Variants in SEMA3E observed in about 807,000 individuals in gnomAD.
SEMA3E encodes the protein semaphorin 3E.
SEMA3E carries 49 observed loss-of-function variants against 93.6 expected under a neutral mutation model. That is an observed-to-expected ratio of 0.52 (90% CI 0.42 to 0.66). SEMA3E has a LOEUF of 0.66. Among genes scored for constraint, SEMA3E ranks in the 30% least tolerant of loss-of-function variants. The pLI is 0.00. For synonymous variants in SEMA3E, 363 were observed against 330.7 expected, an observed-to-expected ratio of 1.10 and a Z score of -1.06; for missense variants, 906 against 964.8, an observed-to-expected ratio of 0.94 and a Z score of 0.81.
chr7:83,368,012 C>G lies in SEMA3E; in HGVS notation c.1902G>C (p.Lys634Asn). 4.3e-6 allele frequency: 7 copies of G among 1,614,010 alleles called. No individual in the cohort carries two copies. The highest frequency in any genetic ancestry group is 2.2e-5 in the East Asian group (1 of 44,870). ...TTAGGAAGAGTAAACCAAGGTCCAT[C>G]TTAACCACTCTGTCATCTGTCTTCA... ...EEVKTDDRVV[K>N]MDLGLLFLRL... Residue 634 changes from lysine (K) to asparagine (N), a missense_variant, in exon 17 of 17, where the codon AAG (lysine) becomes AAC (asparagine). Transcript: ENST00000643230.
At chr7:83,585,879 G>A (rs1792616204) in intron 1 of SEMA3E, among the ~76,000 whole-genome samples, 1 of 152,054 alleles carries the variant, frequency 6.6e-6, no homozygotes, top group Non-Finnish European at 1.5e-5. Context: ...GCATCTTAGT[G>A]CCCTCATTTG....
intron 1 of SEMA3E, among the ~76,000 whole-genome samples, chr7:83,630,470 T>C (rs374540763): frequency 4.3e-4 from 65 of 152,304 alleles, no homozygotes; most frequent in African/African-American, 1.6e-3. Flanking sequence ...GGCAATATAC[T>C]GATAGCAAAT....
chr7:83,642,611 A>G (rs1794028164), intron 1 of SEMA3E, among the ~76,000 whole-genome samples: 1 of 152,026 alleles, frequency 6.6e-6, no homozygotes. Context: ...TAATAATAAC[A>G]CTGATGTTTT....
chr7:83,444,724 G>A (rs1474680942), intron 4 of SEMA3E, among the ~76,000 whole-genome samples: 1 of 149,860 alleles, frequency 6.7e-6, no homozygotes, highest in Non-Finnish European at 1.5e-5. Context: ...ATGCCAGAGT[G>A]CAGTGGCTCA....
intron 1 of SEMA3E, among the ~76,000 whole-genome samples, chr7:83,609,129 C>A (rs1351573267): frequency 6.6e-6 from 1 of 151,916 alleles, no homozygotes; most frequent in African/African-American, 2.4e-5. Context: ...ATGTTTTAAC[C>A]TCTACTGTAT....
intron 14 of SEMA3E, among the ~76,000 whole-genome samples, chr7:83,387,838 C>G (rs939673433): frequency 7.4e-6 from 1 of 135,642 alleles, no homozygotes; most frequent in Non-Finnish European, 1.6e-5. Flanking sequence ...ATATATATAA[C>G]GTTATATATA....
At position 83,533,333 on chromosome 7, in the gene SEMA3E, G is replaced by T. The variant is rs1289704012; in HGVS notation, c.116-43059C>A. Among the ~76,000 whole-genome samples the T allele has an allele frequency of 2.0e-5, 3 of 152,082 alleles. No individual in the cohort carries two copies. In the East Asian group the frequency reaches 5.8e-4, roughly 30 times the overall value. On this transcript the variant is annotated intron_variant, in intron 1 of 16. Transcript: ENST00000643230. ...AAGGTGGGCAGATCACTTGAGGTTA[G>T]GAGTACGAGACCAGTCTGGCCAACA... is the stretch of plus-strand genomic sequence containing the variant.
At chr7:83,481,870 G>T (rs1171007009) in intron 2 of SEMA3E, among the ~76,000 whole-genome samples, 4 of 152,044 alleles carry the variant, frequency 2.6e-5, no homozygotes, top group Non-Finnish European at 4.4e-5. Context: ...TATAAGTTCT[G>T]GTTATTATTT....
At chr7:83,611,466 C>A (rs1793261284) in intron 1 of SEMA3E, among the ~76,000 whole-genome samples, 1 of 148,558 alleles carries the variant, frequency 6.7e-6, no homozygotes, top group African/African-American at 2.5e-5. Flanking sequence ...CAACCATTAT[C>A]CCCCTTGACC....
At position 83,602,765 on chromosome 7, in the gene SEMA3E, C is replaced by T. The variant is rs138355013; in HGVS notation, c.115+45663G>A. Among the ~76,000 whole-genome samples, 262 of 152,202 alleles carry T rather than the reference C, an allele frequency of 1.7e-3. 1 individual carries two copies. Among genetic ancestry groups the T allele is most frequent in the Non-Finnish European group, 3.4e-3 (229 of 68,012 alleles). Reference sequence around the variant, plus strand: ...TGCTGGGATTACAGGTGTGAGCCCCCGCGCCCAGCCTAGAAGCACTCTTAA... The same window carrying T: ...TGCTGGGATTACAGGTGTGAGCCCCTGCGCCCAGCCTAGAAGCACTCTTAA... On this transcript the variant is annotated intron_variant, in intron 1 of 16. Transcript: ENST00000643230.
chr7:83,646,515 T>C (rs1202845744), intron 1 of SEMA3E, among the ~76,000 whole-genome samples: 1 of 152,114 alleles, frequency 6.6e-6, no homozygotes, highest in Admixed American at 6.6e-5. Flanking sequence ...TAACTCTCTC[T>C]ATTCTGCCTT....
At chr7:83,613,982 C>T (rs189763923) in intron 1 of SEMA3E, among the ~76,000 whole-genome samples, 18 of 152,054 alleles carry the variant, frequency 1.2e-4, no homozygotes, top group African/African-American at 4.3e-4. Context: ...TCAAAAATAT[C>T]ACTGAGTCTC....
intron 1 of SEMA3E, among the ~76,000 whole-genome samples, chr7:83,551,295 T>G (rs1639300): frequency 0.33 from 50,343 of 151,618 alleles, 10,172 homozygotes; most frequent in African/African-American, 0.57. Flanking sequence ...ATCACCATGT[T>G]GGAAAAATAA....
intron 4 of SEMA3E, among the ~76,000 whole-genome samples, chr7:83,445,985 C>A (rs994487747): frequency 8.5e-5 from 13 of 152,154 alleles, no homozygotes; most frequent in Non-Finnish European, 1.5e-4. Context: ...TGTACACTTA[C>A]TACATTCCAG....
At chr7:83,644,175 A>G in intron 1 of SEMA3E, among the ~76,000 whole-genome samples, 1 of 147,946 alleles carries the variant, frequency 6.8e-6, no homozygotes, top group East Asian at 2.0e-4. Flanking sequence ...ACATGTAACA[A>G]ATCGATATGT....
chr7:83,396,531 A>T, intron 12 of SEMA3E, 107 bp downstream of exon 12: 1 of 687,058 alleles, frequency 1.5e-6, no homozygotes, highest in Admixed American at 2.2e-5. Context: ...CTCTGAATCC[A>T]CAACATACCT....
intron 5 of SEMA3E, among the ~76,000 whole-genome samples, chr7:83,413,994 AG>A (rs1182634230): frequency 1.2e-4 from 19 of 152,182 alleles, no homozygotes; most frequent in South Asian, 2.1e-4. Flanking sequence ...ATAGCTCCTC[AG>A]AGACTAGCAG....
At chr7:83,502,133 T>C (rs1243309953) in intron 1 of SEMA3E, among the ~76,000 whole-genome samples, 1 of 152,180 alleles carries the variant, frequency 6.6e-6, no homozygotes, top group Non-Finnish European at 1.5e-5. Flanking sequence ...GAATTTGTCC[T>C]GATTCTTCTT....
At chr7:83,481,358 A>T (rs1790142232) in intron 2 of SEMA3E, among the ~76,000 whole-genome samples, 1 of 152,176 alleles carries the variant, frequency 6.6e-6, no homozygotes, top group African/African-American at 2.4e-5. Flanking sequence ...CACTAGAGAA[A>T]GCAAAATAAA....
Sources: gnomAD v4.1 joint callset for allele counts (sites outside exome capture counted in the v4.1 genomes callset) on GRCh38, gnomAD v4.1.1 for gene constraint, MANE v1.5 for transcripts, NCBI Gene and HGNC (gene_info 2026-07-23, HGNC 2026-07-21) for gene names.